The following KLHL1 variants were observed in gnomAD, a reference collection of about 807,000 sequenced individuals.
KLHL1 encodes kelch-like protein 1.
KLHL1 carries 47 observed loss-of-function variants against 77.7 expected under a neutral mutation model. The ratio of observed to expected loss-of-function variants is 0.60; its 90% CI spans 0.48 to 0.77. The LOEUF (loss-of-function observed/expected upper bound fraction) is 0.77, where lower values mean the gene tolerates loss of function less well. Among genes scored for constraint, KLHL1 ranks in the 30% least tolerant of loss-of-function variants. KLHL1 has a pLI of 0.00. For synonymous variants in KLHL1, 360 were observed against 325.2 expected (o/e 1.11, Z -1.15); for missense variants, 925 against 910.8 (o/e 1.02, Z -0.20).
chr13:69,839,190 T>C (rs753130215), intron 5 of KLHL1, 28 bp from the exon 6 acceptor site: 1 of 1,454,612 alleles, frequency 6.9e-7, no homozygotes, highest in African/African-American at 1.4e-5. Context: ...TAGCTGTTAA[T>C]AATGTTTTCA....
chr13:69,937,994 A>G (rs1883237816), intron 4 of KLHL1, among the ~76,000 whole-genome samples: 1 of 152,154 alleles, frequency 6.6e-6, no homozygotes, highest in African/African-American at 2.4e-5. Flanking sequence ...GTGTAGTAGA[A>G]AAAATGGAAT....
At chr13:70,016,353 A>C (rs1885657038) in intron 1 of KLHL1, among the ~76,000 whole-genome samples, 1 of 152,242 alleles carries the variant, frequency 6.6e-6, no homozygotes, top group African/African-American at 2.4e-5. Flanking sequence ...GGACATCTGC[A>C]GCAGCCCAGC....
chr13:69,761,831 C>T lies in KLHL1; in HGVS notation c.1640-21275G>A, dbSNP rs78274284. 3.1e-3 allele frequency among the ~76,000 whole-genome samples: 475 copies of T among 152,206 alleles called. 4 individuals are homozygous for T. Among genetic ancestry groups the T allele is most frequent in the Non-Finnish European group, 5.2e-3 (356 of 68,014 alleles). On this transcript the variant is annotated intron_variant, in intron 7 of 10. Coordinates refer to ENST00000377844, the MANE Select transcript of KLHL1 (RefSeq NM_020866.3). ...AGCTTCCATTATTAAAAGTTCTGCA[C>T]TCAATGACTCATCATGGAATAGATA...
chr13:69,947,656 CAA>C (rs1478207352), intron 3 of KLHL1, among the ~76,000 whole-genome samples: 1 of 151,776 alleles, frequency 6.6e-6, no homozygotes, highest in African/African-American at 2.4e-5. Flanking sequence ...TTGTTTTTCT[CAA>C]AGAGTTTTAA....
At chr13:69,960,901 G>T (rs763166093) in intron 3 of KLHL1, among the ~76,000 whole-genome samples, 3 of 151,860 alleles carry the variant, frequency 2.0e-5, no homozygotes, top group Non-Finnish European at 4.4e-5. Flanking sequence ...ACTATTCCGT[G>T]AAAATTTTTA....
chr13:69,958,253 T>TA (rs944987389), intron 3 of KLHL1, among the ~76,000 whole-genome samples: 3 of 151,498 alleles, frequency 2.0e-5, no homozygotes, highest in Non-Finnish European at 4.4e-5. Flanking sequence ...ATAATAATAA[T>TA]AATAATAATG....
intron 1 of KLHL1, among the ~76,000 whole-genome samples, chr13:70,035,451 A>C (rs1192361129): frequency 6.6e-6 from 1 of 152,124 alleles, no homozygotes; most frequent in Middle Eastern, 3.4e-3. Context: ...GTAGTGAGGG[A>C]TTGGGAGGGA....
At chr13:70,053,575 A>G (rs1213971552) in intron 1 of KLHL1, among the ~76,000 whole-genome samples, 1 of 152,134 alleles carries the variant, frequency 6.6e-6, no homozygotes, top group Non-Finnish European at 1.5e-5. Context: ...AATTTTTAAA[A>G]AACAGTGGTA....
chr13:69,994,189 T>C (rs948564196), intron 1 of KLHL1, among the ~76,000 whole-genome samples: 32 of 152,062 alleles, frequency 2.1e-4, no homozygotes, highest in Admixed American at 2.0e-3. Flanking sequence ...GCCCCAAATC[T>C]AACAGTGATA....
At chr13:69,775,194 C>G (rs1593816929) in intron 7 of KLHL1, among the ~76,000 whole-genome samples, 1 of 151,886 alleles carries the variant, frequency 6.6e-6, no homozygotes, top group Admixed American at 6.6e-5. Flanking sequence ...GCATTCCTGC[C>G]TAAACATACG....
chr13:70,012,946 C>G (rs1298129834), intron 1 of KLHL1, among the ~76,000 whole-genome samples: 1 of 151,792 alleles, frequency 6.6e-6, no homozygotes, highest in Non-Finnish European at 1.5e-5. Context: ...CTATAATATA[C>G]TTTTAATATT....
At chr13:69,718,530 G>A (rs142604240) in intron 9 of KLHL1, among the ~76,000 whole-genome samples, 42 of 151,968 alleles carry the variant, frequency 2.8e-4, no homozygotes, top group Middle Eastern at 6.8e-3. Flanking sequence ...TTAGAGTAGA[G>A]TTACTTATAC....
intron 6 of KLHL1, among the ~76,000 whole-genome samples, chr13:69,831,859 C>T (rs1240681130): frequency 1.3e-5 from 2 of 150,094 alleles, no homozygotes; most frequent in Non-Finnish European, 3.0e-5. Context: ...ACATCATCAT[C>T]CCAAGAGATG....
Position 69,798,778 on chromosome 13 carries a change from T to C in KLHL1, c.1415-1816A>G, listed in dbSNP as rs139084728. Among the ~76,000 whole-genome samples, 356 of 152,208 alleles carry C rather than the reference T, an allele frequency of 2.3e-3. 1 individual carries two copies. Among genetic ancestry groups the C allele is most frequent in the Non-Finnish European group, 4.1e-3 (282 of 68,010 alleles). ...ATGCATAACTAAAAATTAAGAGTTA[T>C]ACACAGATGGCCTGGTGTGTGGCTC... On this transcript the variant is annotated intron_variant, in intron 6 of 10. Transcript: ENST00000377844.
At chr13:70,076,183 G>C (rs868379874) in intron 1 of KLHL1, among the ~76,000 whole-genome samples, 22 of 151,790 alleles carry the variant, frequency 1.4e-4, no homozygotes, top group Non-Finnish European at 1.0e-4. Flanking sequence ...TCAATGCAAC[G>C]GTTAAGAAAA....
chr13:69,967,696 C>T (rs1347052089), intron 2 of KLHL1, among the ~76,000 whole-genome samples: 1 of 151,996 alleles, frequency 6.6e-6, no homozygotes, highest in African/African-American at 2.4e-5. Flanking sequence ...ATCAGCCTGG[C>T]CAAGATGGCA....
At chr13:69,842,091 A>G (rs1879284824) in intron 5 of KLHL1, among the ~76,000 whole-genome samples, 1 of 151,922 alleles carries the variant, frequency 6.6e-6, no homozygotes, top group Non-Finnish European at 1.5e-5. Context: ...ATATAAAAAC[A>G]CTAGAAGAAA....
At chr13:69,825,388 C>A (rs1351323527) in intron 6 of KLHL1, among the ~76,000 whole-genome samples, 2 of 151,960 alleles carry the variant, frequency 1.3e-5, no homozygotes, top group Non-Finnish European at 2.9e-5. Context: ...TAGAAGTATA[C>A]TGGCAAGAAA....
chr13:70,065,125 C>G (rs1225292878), intron 1 of KLHL1, among the ~76,000 whole-genome samples: 4 of 152,138 alleles, frequency 2.6e-5, no homozygotes, highest in Non-Finnish European at 4.4e-5. Context: ...CCCCCAGGAA[C>G]AGTGATACTT....
Sources: allele counts gnomAD v4.1 joint callset (sites outside exome capture counted in the v4.1 genomes callset), GRCh38; gene constraint gnomAD v4.1.1; transcripts MANE v1.5; gene names NCBI Gene and HGNC (gene_info 2026-07-23, HGNC 2026-07-21).